AP3M1: variants seen among roughly 807,000 people sequenced by gnomAD.
AP3M1 encodes adaptor related protein complex 3 subunit mu 1.
A neutral mutation model predicts 42.6 loss-of-function variants in AP3M1; 29 were observed. The observed-to-expected ratio is 0.68, with a 90% CI of 0.51 to 0.93. The LOEUF (loss-of-function observed/expected upper bound fraction) is 0.93. Ranked by LOEUF, AP3M1 falls within the 40% of genes least tolerant of loss-of-function variation. The probability of loss-of-function intolerance (pLI) is 0.00; values close to 1 mark genes in which losing one functional copy is unlikely to be tolerated. For missense variants in AP3M1, 416 were observed against 510.2 expected (o/e 0.82, Z 1.78); for synonymous variants, 178 against 175.3 (o/e 1.02, Z -0.12).
At chr10:74,145,908 G>A (rs1841311721) in intron 1 of AP3M1, among the ~76,000 whole-genome samples, 1 of 152,078 alleles carries the variant, frequency 6.6e-6, no homozygotes, top group African/African-American at 2.4e-5. Flanking sequence ...GGCACAGAAG[G>A]GCCTATACTG....
rs374256119 is a variant in AP3M1 at position 74,126,281 on chromosome 10, A to G, written c.878T>C (p.Ile293Thr). ...KENSSCGRFD[I>T]TIGPKQNMGK... is the part of the protein sequence containing the mutation. ...CATATTCTGCTTTGGTCCAATTGTTATATCAAATCTGCCGCAAGAACTGTT... is the reference window on the plus strand; with the variant it reads ...CATATTCTGCTTTGGTCCAATTGTTGTATCAAATCTGCCGCAAGAACTGTT... Residue 293 changes from isoleucine (I) to threonine (T), a missense_variant, in exon 7 of 9, where the codon ATA (isoleucine) becomes ACA (threonine). Physicochemically the swap from Ile to Thr is moderately conservative, Grantham distance 89. Coordinates refer to ENST00000355264, the MANE Select transcript of AP3M1 (RefSeq NM_012095.6). 4 of 1,614,196 alleles carry G rather than the reference A, an allele frequency of 2.5e-6. No homozygotes were observed. The highest frequency in any genetic ancestry group is 1.3e-5 in the African/African-American group (1 of 75,036).
chr10:74,127,877 G>C (rs1455043087), intron 6 of AP3M1, among the ~76,000 whole-genome samples: 1 of 151,992 alleles, frequency 6.6e-6, no homozygotes, highest in African/African-American at 2.4e-5. Flanking sequence ...GAGGTGGGCA[G>C]ATCACCTGAG....
At chr10:74,137,821 C>T (rs897906223) in intron 2 of AP3M1, among the ~76,000 whole-genome samples, 23 of 152,102 alleles carry the variant, frequency 1.5e-4, no homozygotes, top group African/African-American at 4.3e-4. Flanking sequence ...ATGTTCAGTT[C>T]GATTTTTTTG....
intron 4 of AP3M1, among the ~76,000 whole-genome samples, chr10:74,132,152 C>T (rs753174118): frequency 1.4e-4 from 22 of 152,022 alleles, no homozygotes; most frequent in Non-Finnish European, 2.6e-4. Context: ...ATTCTCCTGC[C>T]TCAGCCTCCC....
At chr10:74,137,989 T>C in intron 2 of AP3M1, 118 bp downstream of exon 2, 1 of 1,104,982 alleles carries the variant, frequency 9.0e-7, no homozygotes, top group Admixed American at 2.8e-5. Context: ...GAATTTACGC[T>C]TAAACAGAGA....
intron 4 of AP3M1, 49 bp downstream of exon 4, chr10:74,133,978 T>A: frequency 1.9e-6 from 3 of 1,601,918 alleles, no homozygotes; most frequent in Middle Eastern, 1.7e-4. Context: ...TATTCATCTG[T>A]GTCAGATGAA....
In AP3M1 at chr10:74,123,592, G is replaced by A; in HGVS notation, c.*218C>T. 2 of 550,212 alleles carry A rather than the reference G, an allele frequency of 3.6e-6. No homozygotes were observed. The highest frequency in any genetic ancestry group is 2.5e-5 in the South Asian group (1 of 40,484). The allele number at this position is 550,212 out of a possible 1,614,324, so 34.1% of individuals were successfully genotyped here. A position where few individuals can be genotyped will look rare whatever the true frequency, so the allele number is the denominator to read the frequency against. On this transcript the variant is annotated 3_prime_UTR_variant, in exon 9 of 9. Transcript: ENST00000355264. ...AAAATCACCTCCAAAATCTTCCTAAGTGAAAAGATACAAAATAAGCTAAGT... is the reference window on the plus strand; with the variant it reads ...AAAATCACCTCCAAAATCTTCCTAAATGAAAAGATACAAAATAAGCTAAGT...
At chr10:74,134,866 C>T (rs1219846454) in intron 3 of AP3M1, among the ~76,000 whole-genome samples, 2 of 152,144 alleles carry the variant, frequency 1.3e-5, no homozygotes, top group Non-Finnish European at 2.9e-5. Flanking sequence ...CACCTGTCTT[C>T]TTACTAACAA....
intron 3 of AP3M1, 124 bp from the exon 4 acceptor site, chr10:74,134,288 C>T: frequency 1.9e-6 from 2 of 1,035,714 alleles, no homozygotes; most frequent in Non-Finnish European, 2.7e-6. Context: ...TGTGGATGGT[C>T]ACTAGAATTG....
At chr10:74,146,216 GAGGGA>G (rs375545208) in intron 1 of AP3M1, among the ~76,000 whole-genome samples, 6 of 152,336 alleles carry the variant, frequency 3.9e-5, no homozygotes, top group African/African-American at 1.2e-4. Context: ...ATGGAAGGTG[GAGGGA>G]AGAGGGGAGA....
chr10:74,144,291 G>A (rs1208840184), intron 1 of AP3M1, among the ~76,000 whole-genome samples: 3 of 151,424 alleles, frequency 2.0e-5, no homozygotes, highest in Non-Finnish European at 4.4e-5. Flanking sequence ...TTGAGATAGG[G>A]TCTCGCTCTG....
chr10:74,149,273 T>G (rs1247082454), intron 1 of AP3M1, among the ~76,000 whole-genome samples: 3 of 15,562 alleles, frequency 1.9e-4, no homozygotes, highest in South Asian at 2.2e-3. Flanking sequence ...TAAGGTTTTT[T>G]TTTTTTTTTT....
chr10:74,130,795 C>A (rs147766635), intron 4 of AP3M1, among the ~76,000 whole-genome samples: 1 of 152,196 alleles, frequency 6.6e-6, no homozygotes, highest in African/African-American at 2.4e-5. Context: ...GGAGCCAACC[C>A]TGTAAGATGA....
chr10:74,127,812 A>T (rs1207071947), intron 6 of AP3M1, among the ~76,000 whole-genome samples: 2 of 151,956 alleles, frequency 1.3e-5, no homozygotes, highest in Non-Finnish European at 2.9e-5. Flanking sequence ...ATAAGAGCCA[A>T]GAAACAGGCC....
At chr10:74,139,152 A>C (rs927856313) in intron 1 of AP3M1, among the ~76,000 whole-genome samples, 1 of 152,120 alleles carries the variant, frequency 6.6e-6, no homozygotes, top group Non-Finnish European at 1.5e-5. Context: ...GGAAAGGAAG[A>C]AGTAAAACTG....
chr10:74,128,917 A>T (rs1591741788), intron 6 of AP3M1, 191 bp downstream of exon 6: 1 of 600,542 alleles, frequency 1.7e-6, no homozygotes, highest in East Asian at 3.1e-5. Context: ...GTACCACTCT[A>T]CACTCATACA....
At chr10:74,135,994 CT>C (rs1840928540) in intron 3 of AP3M1, among the ~76,000 whole-genome samples, 1 of 152,194 alleles carries the variant, frequency 6.6e-6, no homozygotes, top group African/African-American at 2.4e-5. Flanking sequence ...GTCTAAAAGA[CT>C]TTAATGCTTT....
intron 6 of AP3M1, among the ~76,000 whole-genome samples, chr10:74,126,970 C>CAAAAA (rs58110411): frequency 9.3e-4 from 30 of 32,360 alleles, no homozygotes; most frequent in South Asian, 2.7e-3. Flanking sequence ...GACGCCATCT[C>CAAAAA]AAAAAAAAAA....
At position 74,122,658 on chromosome 10, in the gene AP3M1, G is replaced by A. The variant is rs536080654; in HGVS notation, c.*1152C>T. 2 of 152,262 alleles carry A rather than the reference G, an allele frequency of 1.3e-5. No individual in the cohort carries two copies. The highest frequency in any genetic ancestry group is 3.9e-4 in the East Asian group (2 of 5,190). 9.4% of individuals were successfully genotyped at this position (152,262 alleles called of 1,614,324 possible). ...TCCATGTATTTTGTCAGTATAGTACGTATATTTAAGCACTCCAGTGACAAT... is the reference window on the plus strand; with the variant it reads ...TCCATGTATTTTGTCAGTATAGTACATATATTTAAGCACTCCAGTGACAAT... On this transcript the variant is annotated 3_prime_UTR_variant, in exon 9 of 9. Transcript: ENST00000355264.
Sources: gnomAD v4.1 joint callset for allele counts (sites outside exome capture counted in the v4.1 genomes callset) on GRCh38, gnomAD v4.1.1 for gene constraint, MANE v1.5 for transcripts, NCBI Gene and HGNC (gene_info 2026-07-23, HGNC 2026-07-21) for gene names.